The following TMEM236 variants were observed in gnomAD, a reference collection of about 807,000 sequenced individuals.
The protein encoded by TMEM236 is transmembrane protein 236.
A neutral mutation model predicts 14.7 loss-of-function variants in TMEM236; 11 were observed. That is an observed-to-expected ratio of 0.75 (90% CI 0.47 to 1.24). The LOEUF (loss-of-function observed/expected upper bound fraction) is 1.24, where lower values mean the gene tolerates loss of function less well. Among genes scored for constraint, TMEM236 ranks in the 50% most tolerant of loss-of-function variants. The pLI is 0.00. For synonymous variants in TMEM236, 182 were observed against 168.6 expected (o/e 1.08, Z -0.62); for missense variants, 464 against 427.3 (o/e 1.09, Z -0.76).
intron 2 of TMEM236, among the ~76,000 whole-genome samples, chr10:17,774,096 C>T (rs1837619884): frequency 6.6e-6 from 1 of 151,930 alleles, no homozygotes; most frequent in East Asian, 1.9e-4. Flanking sequence ...CCAGGCTGGA[C>T]TGCAGTGGTG....
chr10:17,763,795 TC>T (rs1174492962), intron 1 of TMEM236, among the ~76,000 whole-genome samples: 1 of 152,166 alleles, frequency 6.6e-6, no homozygotes, highest in Non-Finnish European at 1.5e-5. Flanking sequence ...GTTGGCAGCA[TC>T]GCAGAGTGGT....
chr10:17,766,450 A>G (rs1480505320), intron 1 of TMEM236, among the ~76,000 whole-genome samples: 5 of 152,028 alleles, frequency 3.3e-5, no homozygotes, highest in Admixed American at 6.5e-5. Context: ...CAATGTATCT[A>G]CTCTCTAAGA....
Position 17,774,194 on chromosome 10 carries a change from GCCACCA to G in TMEM236, c.331-1833_331-1828del, listed in dbSNP as rs1219637248. On this transcript the variant is annotated intron_variant, in intron 2 of 3. Transcript: ENST00000377495. ...TAAGTAGCTGGGACGACAGGCATGT[GCCACCA>G]CACCCGGCTAATGTTTGTATTTTTA... Among the ~76,000 whole-genome samples, 3 of 152,084 alleles carry G rather than the reference GCCACCA, an allele frequency of 2.0e-5. No homozygotes were observed. In the South Asian group the frequency reaches 6.2e-4, roughly 32 times the overall value.
chr10:17,772,558 T>C lies in TMEM236; in HGVS notation c.330+1177T>C, dbSNP rs1362500145. 2.0e-5 allele frequency among the ~76,000 whole-genome samples: 3 copies of C among 152,354 alleles called. No individual in the cohort carries two copies. In the South Asian group the frequency reaches 6.2e-4, roughly 32 times the overall value. Reference sequence around the variant, plus strand: ...CCCTTTTTGGCTCTTTTTTATGATGTCTCTTCCATTGTTACATCTTTTTCT... The same window carrying C: ...CCCTTTTTGGCTCTTTTTTATGATGCCTCTTCCATTGTTACATCTTTTTCT... On this transcript the variant is annotated intron_variant, in intron 2 of 3. Coordinates refer to ENST00000377495, the MANE Select transcript of TMEM236 (RefSeq NM_001098844.3).
In TMEM236 at chr10:17,752,376, C is replaced by G; in HGVS notation, c.81C>G (p.Ile27Met). The G allele has an allele frequency of 6.2e-7, 1 of 1,613,866 alleles. No individual in the cohort carries two copies. The highest frequency in any genetic ancestry group is 8.5e-7 in the Non-Finnish European group (1 of 1,179,852). Residue 27 changes from isoleucine to methionine, a missense_variant, in exon 1 of 4, where the codon ATC (isoleucine) becomes ATG (methionine). Transcript: ENST00000377495. ...FAAFSIPTLV[I>M]TEQFATAYQG... ...CTTTCTCCATCCCCACACTCGTGAT[C>G]ACAGAACAGTTTGCCACCGCCTACC... is the stretch of plus-strand genomic sequence containing the variant.
chr10:17,760,799 T>C (rs1837350501), intron 1 of TMEM236, among the ~76,000 whole-genome samples: 1 of 152,218 alleles, frequency 6.6e-6, no homozygotes. Context: ...ATGTCTTACA[T>C]GGCAGCAGGC....
At chr10:17,794,733 A>G (rs1837982969) in intron 3 of TMEM236, among the ~76,000 whole-genome samples, 1 of 152,144 alleles carries the variant, frequency 6.6e-6, no homozygotes, top group Non-Finnish European at 1.5e-5. Flanking sequence ...ATGAATCTCT[A>G]GTGGTCAAAC....
intron 3 of TMEM236, among the ~76,000 whole-genome samples, chr10:17,784,963 A>AT (rs1431897467): frequency 1.3e-5 from 2 of 151,996 alleles, no homozygotes; most frequent in South Asian, 2.1e-4. Flanking sequence ...AGATAATGTG[A>AT]TTTTTTTCCT....
At chr10:17,755,116 T>A (rs996031531) in intron 1 of TMEM236, among the ~76,000 whole-genome samples, 14,246 of 151,176 alleles carry the variant, frequency 0.094, 880 homozygotes, top group Non-Finnish European at 0.14. Flanking sequence ...TGTTTTTTTT[T>A]TTTTTTGTAT....
At position 17,770,487 on chromosome 10, in the gene TMEM236, C is replaced by T. The variant is rs549188976; in HGVS notation, c.258-822C>T. ...CAAGCTCTGCCTCCCGGGTTCACGC[C>T]GTTCTCCTGCCTCAGCCTCCTGAGT... On this transcript the variant is annotated intron_variant, in intron 1 of 3. Coordinates refer to ENST00000377495, the MANE Select transcript of TMEM236 (RefSeq NM_001098844.3). Among the ~76,000 whole-genome samples, 46 of 152,204 alleles carry T rather than the reference C, an allele frequency of 3.0e-4. No individual in the cohort carries two copies. In the East Asian group the frequency reaches 5.6e-3, roughly 19 times the overall value.
At chr10:17,765,766 C>A (rs905601822) in intron 1 of TMEM236, among the ~76,000 whole-genome samples, 38 of 152,352 alleles carry the variant, frequency 2.5e-4, no homozygotes, top group African/African-American at 8.4e-4. Context: ...GCCCCAACCC[C>A]TCAGCCTTGC....
At chr10:17,785,744 C>T (rs1004727640) in intron 3 of TMEM236, among the ~76,000 whole-genome samples, 4 of 151,190 alleles carry the variant, frequency 2.6e-5, no homozygotes, top group South Asian at 2.1e-4. Context: ...GGGGACCAAC[C>T]GGGGGGGGAT....
At chr10:17,752,578 T>C in intron 1 of TMEM236, 26 bp downstream of exon 1, 1 of 1,609,982 alleles carries the variant, frequency 6.2e-7, no homozygotes, top group Non-Finnish European at 8.5e-7. Context: ...TTCTTTTTTT[T>C]CTTTTTGATT....
At position 17,796,135 on chromosome 10, in the gene TMEM236, C is replaced by T; in HGVS notation, c.687C>T (p.Ser229=). Residue 229 remains serine, a synonymous_variant, in exon 4 of 4, where the codon TCC becomes TCT. Coordinates refer to ENST00000377495, the MANE Select transcript of TMEM236 (RefSeq NM_001098844.3). The part of the protein sequence containing the change: ...SCDSGILRMM[S]RRDVRAELFL... Reference sequence around the variant, plus strand: ...ACTCCGGAATCCTGAGAATGATGTCCCGGCGAGATGTCCGGGCAGAGTTAT... The same window carrying T: ...ACTCCGGAATCCTGAGAATGATGTCTCGGCGAGATGTCCGGGCAGAGTTAT... The T allele has an allele frequency of 6.2e-7, 1 of 1,613,868 alleles. No individual in the cohort carries two copies. Among genetic ancestry groups the T allele is most frequent in the East Asian group, 2.2e-5 (1 of 44,862 alleles).
intron 2 of TMEM236, 134 bp from the exon 3 acceptor site, chr10:17,775,895 A>G: frequency 9.2e-7 from 1 of 1,089,356 alleles, no homozygotes. Flanking sequence ...AAACCTGATG[A>G]GTTAAAAACC....
chr10:17,789,678 C>T (rs372079461), intron 3 of TMEM236, among the ~76,000 whole-genome samples: 1 of 151,196 alleles, frequency 6.6e-6, no homozygotes, highest in African/African-American at 2.4e-5. Context: ...GCCAGGTGTT[C>T]AAGACCAGCC....
rs1464857253 is a variant in TMEM236 at position 17,799,114 on chromosome 10, GTGTC to G, written c.*2615_*2618del. 1.1e-5 allele frequency: 2 copies of G among 174,396 alleles called. No individual in the cohort carries two copies. The highest frequency in any genetic ancestry group is 2.4e-5 in the African/African-American group (1 of 41,554). 10.8% of individuals were successfully genotyped at this position (174,396 alleles called of 1,614,324 possible). ...AAGCCTTCATTCATCAGACATTTGAGTGTCTGTCCTCTGAGTTCCCATAGAATCT... is the reference window on the plus strand; with the variant it reads ...AAGCCTTCATTCATCAGACATTTGAGTGTCCTCTGAGTTCCCATAGAATCT... On this transcript the variant is annotated 3_prime_UTR_variant, in exon 4 of 4. Transcript: ENST00000377495.
At chr10:17,774,828 C>CTCTT (rs1837633921) in intron 2 of TMEM236, among the ~76,000 whole-genome samples, 1 of 150,626 alleles carries the variant, frequency 6.6e-6, no homozygotes, top group Admixed American at 6.6e-5. Context: ...CTCTCTTTCT[C>CTCTT]TCACTCTGTT....
chr10:17,760,748 G>C (rs1195973224), intron 1 of TMEM236, among the ~76,000 whole-genome samples: 3 of 152,194 alleles, frequency 2.0e-5, no homozygotes, highest in African/African-American at 4.8e-5. Context: ...TCGCTGGGGA[G>C]GCCTCACAAT....
Sources: gnomAD v4.1 joint callset for allele counts (sites outside exome capture counted in the v4.1 genomes callset) on GRCh38, gnomAD v4.1.1 for gene constraint, MANE v1.5 for transcripts, NCBI Gene and HGNC (gene_info 2026-07-23, HGNC 2026-07-21) for gene names.